Variants in SH3KBP1 observed in about 807,000 individuals in gnomAD.
SH3KBP1 encodes the protein SH3 domain containing kinase binding protein 1, also known as SH3 domain-containing kinase-binding protein 1.
In SH3KBP1, 8 loss-of-function variants were observed where a neutral mutation model predicts 50.1. That is an observed-to-expected ratio of 0.16 (90% CI 0.09 to 0.29). The LOEUF is 0.29. Among genes scored for constraint, SH3KBP1 ranks in the 10% least tolerant of loss-of-function variants. The probability of loss-of-function intolerance (pLI) is 1.00; values close to 1 mark genes in which losing one functional copy is unlikely to be tolerated. For synonymous variants in SH3KBP1, 227 were observed against 218.6 expected, an observed-to-expected ratio of 1.04 and a Z score of -0.34; for missense variants, 377 against 535.2, an observed-to-expected ratio of 0.70 and a Z score of 2.92.
At chrX:19,872,252 CAAAAAAA>C (rs67033348) in intron 1 of SH3KBP1, among the ~76,000 whole-genome samples, 1 of 37,967 alleles carries the variant, frequency 2.6e-5, no homozygotes, top group African/African-American at 9.9e-5. Flanking sequence ...AACTTCATCT[CAAAAAAA>C]AAAAAAAAAA....
rs368154385 is a variant in SH3KBP1, at chrX:19,773,440, G to A, written c.163-26999C>T. On this transcript the variant is annotated intron_variant, in intron 2 of 17. Transcript: ENST00000397821. ...TGGGCTCATACTTCTGAACTCAAAT[G>A]CAAATTTTCTCAAGCAATTCAGTCT... is the stretch of plus-strand genomic sequence containing the variant. Among the ~76,000 whole-genome samples, 15 of 109,345 alleles carry A rather than the reference G, an allele frequency of 1.4e-4. No individual in the cohort carries two copies. In the East Asian group the frequency reaches 3.7e-3, roughly 27 times the overall value. The allele number at this position is 109,345 out of a possible 115,157, so 95.0% of individuals were successfully genotyped here.
At chrX:19,601,478 A>G (rs1249786448) in intron 9 of SH3KBP1, 5 of 111,905 alleles carry the variant, frequency 4.5e-5, no homozygotes, top group African/African-American at 1.3e-4. Flanking sequence ...GTAAAAACAA[A>G]CAAACACAAA....
At chrX:19,722,990 A>G (rs2064113337) in intron 3 of SH3KBP1, among the ~76,000 whole-genome samples, 1 of 108,914 alleles carries the variant, frequency 9.2e-6, no homozygotes, top group Non-Finnish European at 1.9e-5. Context: ...AAACAAAACA[A>G]AACAAAATTA....
At chrX:19,607,605 T>G (rs917644142) in intron 9 of SH3KBP1, among the ~76,000 whole-genome samples, 1 of 112,209 alleles carries the variant, frequency 8.9e-6, no homozygotes, top group Non-Finnish European at 1.9e-5. Context: ...GACCATGCTA[T>G]GTGGGATGCT....
intron 5 of SH3KBP1, among the ~76,000 whole-genome samples, chrX:19,692,689 AT>A (rs1186773036): frequency 0.02 from 1,483 of 75,030 alleles, 28 homozygotes; most frequent in Middle Eastern, 0.043. Flanking sequence ...ATATATATAT[AT>A]TTTTTTTTTT....
At chrX:19,665,252 G>T (rs4128647) in intron 6 of SH3KBP1, among the ~76,000 whole-genome samples, 30,080 of 111,327 alleles carry the variant, frequency 0.27, 4,540 homozygotes, top group African/African-American at 0.58. Context: ...TCCATCTTTA[G>T]CATTTCTACC....
At chrX:19,684,667 G>A (rs920162687) in intron 5 of SH3KBP1, among the ~76,000 whole-genome samples, 1 of 112,286 alleles carries the variant, frequency 8.9e-6, no homozygotes. Flanking sequence ...AGACGATCAT[G>A]TTTGTTAAAG....
At chrX:19,559,390 G>A (rs1420775405) in intron 13 of SH3KBP1, among the ~76,000 whole-genome samples, 1 of 98,421 alleles carries the variant, frequency 1.0e-5, no homozygotes, top group Non-Finnish European at 2.0e-5. Flanking sequence ...CCAGTGGCAC[G>A]ATCTTGGCTC....
rs1401953376 is a variant in SH3KBP1, at chrX:19,554,014, A to T, written c.1385-3931T>A. 7.6e-3 allele frequency among the ~76,000 whole-genome samples: 432 copies of T among 56,723 alleles called. 18 individuals are homozygous for T. The highest frequency in any genetic ancestry group is 0.011 in the Non-Finnish European group (378 of 35,752). The allele number at this position is 56,723 out of a possible 115,157, so 49.3% of individuals were successfully genotyped here. ...TAATATATATTAAAATATAATATAT[A>T]ATATATATTAAAATATAATATATAA... On this transcript the variant is annotated intron_variant, in intron 13 of 17. Transcript: ENST00000397821.
Position 19,673,164 on chromosome X carries a change from T to C in SH3KBP1, c.726+10659A>G, listed in dbSNP as rs187787098. Among the ~76,000 whole-genome samples, 262 of 110,876 alleles carry C rather than the reference T, an allele frequency of 2.4e-3. 1 individual carries two copies. Among genetic ancestry groups the C allele is most frequent in the African/African-American group, 7.9e-3 (242 of 30,512 alleles). ...GGGTGTGAGGTATGTGGGAACTCTA[T>C]TATCTTCACAACTTTTCCATAAATC... On this transcript the variant is annotated intron_variant, in intron 6 of 17. Transcript: ENST00000397821.
chrX:19,676,103 C>T (rs773390041), intron 6 of SH3KBP1, among the ~76,000 whole-genome samples: 6 of 111,678 alleles, frequency 5.4e-5, no homozygotes, highest in Non-Finnish European at 1.1e-4. Context: ...TCAACCAAAA[C>T]GAGGGACAGC....
At chrX:19,722,828 A>G (rs1478610055) in intron 3 of SH3KBP1, among the ~76,000 whole-genome samples, 7 of 108,892 alleles carry the variant, frequency 6.4e-5, no homozygotes, top group African/African-American at 2.4e-4. Flanking sequence ...TCAAAAAAAA[A>G]AAAGAAGTCT....
chrX:19,694,784 A>C (rs187739856), intron 5 of SH3KBP1, among the ~76,000 whole-genome samples: 1 of 111,876 alleles, frequency 8.9e-6, no homozygotes, highest in Non-Finnish European at 1.9e-5. Flanking sequence ...GGTTTTTCCA[A>C]ATGAAAAAGG....
At chrX:19,760,023 CCTCTCTCTCTCTCTCTCCCTCTCTCTCT>C (rs1338019522) in intron 2 of SH3KBP1, among the ~76,000 whole-genome samples, 1,506 of 83,449 alleles carry the variant, frequency 0.018, 37 homozygotes, top group African/African-American at 0.081. Context: ...CTCTCTCTCT[CCTCTCTCTCTCTCTCTCCCTCTCTCTCT>C]CTCTCTCTCT....
chrX:19,701,791 A>G (rs978085279), intron 4 of SH3KBP1, among the ~76,000 whole-genome samples: 3 of 112,394 alleles, frequency 2.7e-5, no homozygotes, highest in African/African-American at 9.7e-5. Context: ...GTTCTGTTCA[A>G]TCAATCCCCA....
intron 12 of SH3KBP1, among the ~76,000 whole-genome samples, chrX:19,574,220 G>A (rs899417332): frequency 5.4e-5 from 6 of 111,254 alleles, no homozygotes; most frequent in Admixed American, 1.9e-4. Flanking sequence ...CCCCTGTATC[G>A]CAACCCTTAT....
intron 3 of SH3KBP1, among the ~76,000 whole-genome samples, chrX:19,720,881 T>A (rs1217238510): frequency 9.0e-6 from 1 of 111,020 alleles, no homozygotes; most frequent in Non-Finnish European, 1.9e-5. Flanking sequence ...TATGTGTGTG[T>A]GGGTTGTGGG....
chrX:19,759,375 A>AT (rs1229936209), intron 2 of SH3KBP1, among the ~76,000 whole-genome samples: 2 of 112,066 alleles, frequency 1.8e-5, no homozygotes, highest in African/African-American at 3.2e-5. Flanking sequence ...AAATGACTTT[A>AT]GTATAAACTT....
chrX:19,593,712 C>T (rs983225232), intron 10 of SH3KBP1, among the ~76,000 whole-genome samples: 2 of 111,770 alleles, frequency 1.8e-5, no homozygotes, highest in Admixed American at 9.5e-5. Context: ...TCCTATTATA[C>T]TGAAGAATCC....
Sources: gnomAD v4.1 joint callset for allele counts (sites outside exome capture counted in the v4.1 genomes callset) on GRCh38, gnomAD v4.1.1 for gene constraint, MANE v1.5 for transcripts, NCBI Gene and HGNC (gene_info 2026-07-23, HGNC 2026-07-21) for gene names.